DTNB: variants seen among roughly 807,000 people sequenced by gnomAD.
DTNB encodes dystrobrevin beta.
Under a neutral mutation model 90.7 loss-of-function variants are expected in DTNB, and 63 were observed. The ratio of observed to expected loss-of-function variants is 0.69; its 90% CI spans 0.57 to 0.86. DTNB has a LOEUF of 0.86. Ranked by LOEUF, DTNB falls within the 40% of genes least tolerant of loss-of-function variation. DTNB has a pLI of 0.00. For synonymous variants in DTNB, 277 were observed against 286.7 expected (o/e 0.97, Z 0.34); for missense variants, 744 against 807.1 (o/e 0.92, Z 0.95).
In DTNB at chr2:25,531,541, G is replaced by T. The variant is rs751494050; in HGVS notation, c.933C>A (p.Pro311=). Residue 311 remains proline (P), a synonymous_variant, in exon 9 of 21, where the codon CCC becomes CCA. Coordinates refer to ENST00000406818, the MANE Select transcript of DTNB (RefSeq NM_021907.5). ...HAISKSLGCV[P]TREPPHPVFP... The stretch of plus-strand genomic sequence containing the variant: ...AAACAGGATGCGGGGGTTCTCTCGT[G>T]GGTACACACCCCAAAGATTTACTAA... The T allele has an allele frequency of 6.2e-7, 1 of 1,613,838 alleles. No individual in the cohort carries two copies. The highest frequency in any genetic ancestry group is 8.5e-7 in the Non-Finnish European group (1 of 1,179,852).
At chr2:25,581,410 A>C (rs2148208371) in intron 6 of DTNB, among the ~76,000 whole-genome samples, 1 of 152,362 alleles carries the variant, frequency 6.6e-6, no homozygotes, top group Admixed American at 6.5e-5. Flanking sequence ...AAGTAGTTTA[A>C]ATAATTTGAC....
chr2:25,448,855 CAAAA>C (rs57986514), intron 12 of DTNB, among the ~76,000 whole-genome samples: 8 of 79,542 alleles, frequency 1.0e-4, no homozygotes, highest in East Asian at 2.8e-4. Context: ...GATTCCATCT[CAAAA>C]AAAAAAAAAA....
intron 10 of DTNB, among the ~76,000 whole-genome samples, chr2:25,475,760 T>C (rs1167215284): frequency 2.0e-5 from 3 of 152,234 alleles, no homozygotes; most frequent in African/African-American, 7.2e-5. Flanking sequence ...CCAATGCTCA[T>C]TTACCATTCT....
At chr2:25,480,913 G>A (rs2064806097) in intron 10 of DTNB, among the ~76,000 whole-genome samples, 2 of 152,132 alleles carry the variant, frequency 1.3e-5, no homozygotes, top group African/African-American at 2.4e-5. Flanking sequence ...GGTGGGACAG[G>A]CTTAATTGCT....
chr2:25,432,651 G>T (rs2054303539), intron 14 of DTNB, among the ~76,000 whole-genome samples: 1 of 152,184 alleles, frequency 6.6e-6, no homozygotes, highest in Non-Finnish European at 1.5e-5. Flanking sequence ...GCTGGTCCTG[G>T]AGCTGGGAGA....
At chr2:25,616,792 C>T (rs2070709634) in intron 4 of DTNB, among the ~76,000 whole-genome samples, 1 of 151,306 alleles carries the variant, frequency 6.6e-6, no homozygotes, top group African/African-American at 2.4e-5. Flanking sequence ...ATTAGCCGGG[C>T]GTGGTGGCAG....
At chr2:25,567,217 T>C (rs1420077538) in intron 8 of DTNB, among the ~76,000 whole-genome samples, 1 of 152,248 alleles carries the variant, frequency 6.6e-6, no homozygotes, top group Non-Finnish European at 1.5e-5. Flanking sequence ...TTATGACACG[T>C]GGCTATTTAA....
chr2:25,412,651 G>A (rs554209181), intron 16 of DTNB, among the ~76,000 whole-genome samples: 1 of 152,214 alleles, frequency 6.6e-6, no homozygotes, highest in South Asian at 2.1e-4. Context: ...CTTCTAATAG[G>A]AGAGATCAGA....
intron 16 of DTNB, among the ~76,000 whole-genome samples, chr2:25,404,883 T>C (rs1037344779): frequency 1.4e-4 from 22 of 151,922 alleles, no homozygotes; most frequent in Non-Finnish European, 1.5e-5. Flanking sequence ...AGGCCACAGA[T>C]AGGAAAACTA....
chr2:25,602,698 T>G (rs527354726), intron 5 of DTNB, among the ~76,000 whole-genome samples: 1 of 152,172 alleles, frequency 6.6e-6, no homozygotes, highest in African/African-American at 2.4e-5. Flanking sequence ...ATCAAAAACA[T>G]GCAAAAAGAT....
intron 9 of DTNB, among the ~76,000 whole-genome samples, chr2:25,494,269 C>T (rs916411415): frequency 4.6e-5 from 7 of 152,196 alleles, no homozygotes; most frequent in African/African-American, 1.7e-4. Flanking sequence ...GTATTGGACA[C>T]TACTTGTATC....
chr2:25,538,912 T>C (rs1032559750), intron 8 of DTNB, among the ~76,000 whole-genome samples: 1 of 152,240 alleles, frequency 6.6e-6, no homozygotes, highest in African/African-American at 2.4e-5. Context: ...ATCACTATCC[T>C]GGATTTTGTA....
At chr2:25,573,762 T>C (rs1394658838) in intron 8 of DTNB, among the ~76,000 whole-genome samples, 1 of 152,206 alleles carries the variant, frequency 6.6e-6, no homozygotes, top group East Asian at 1.9e-4. Flanking sequence ...GTCAGTTTCC[T>C]CATCAAGTGT....
At chr2:25,451,689 T>C in intron 11 of DTNB, 54 bp from the exon 12 acceptor site, 2 of 1,439,358 alleles carry the variant, frequency 1.4e-6, no homozygotes, top group Non-Finnish European at 1.9e-6. Flanking sequence ...CTTATTCTTG[T>C]TCCATTCTCA....
At chr2:25,575,769 T>A (rs1300273773) in intron 8 of DTNB, among the ~76,000 whole-genome samples, 1 of 152,240 alleles carries the variant, frequency 6.6e-6, no homozygotes, top group East Asian at 1.9e-4. Flanking sequence ...TGACCTTACA[T>A]GTTTTTCTAC....
intron 12 of DTNB, among the ~76,000 whole-genome samples, chr2:25,442,711 A>G (rs866894685): frequency 2.1e-4 from 32 of 152,356 alleles, no homozygotes; most frequent in Admixed American, 3.9e-4. Flanking sequence ...GTGATCCCAG[A>G]AGGGTATTTA....
At chr2:25,538,083 T>A (rs141658184) in intron 8 of DTNB, among the ~76,000 whole-genome samples, 2,500 of 152,312 alleles carry the variant, frequency 0.016, 247 homozygotes, top group Admixed American at 0.15. Flanking sequence ...CTACAGGTTA[T>A]ATTTTTAAAA....
At chr2:25,611,557 G>C (rs138151238) in intron 4 of DTNB, among the ~76,000 whole-genome samples, 143 of 152,302 alleles carry the variant, frequency 9.4e-4, no homozygotes, top group Admixed American at 7.6e-3. Flanking sequence ...ATGGGAATCT[G>C]CAGATACAGA....
intron 2 of DTNB, among the ~76,000 whole-genome samples, chr2:25,644,750 T>C (rs908792815): frequency 6.6e-6 from 1 of 151,610 alleles, no homozygotes; most frequent in African/African-American, 2.4e-5. Context: ...CAAAGCGAGA[T>C]TCTGCATCAA....
Sources: allele counts gnomAD v4.1 joint callset (sites outside exome capture counted in the v4.1 genomes callset), GRCh38; gene constraint gnomAD v4.1.1; transcripts MANE v1.5; gene names NCBI Gene and HGNC (gene_info 2026-07-23, HGNC 2026-07-21).